NMNAT1: variants seen among roughly 807,000 people sequenced by gnomAD.
NMNAT1 encodes nicotinamide/nicotinic acid mononucleotide adenylyltransferase 1.
In NMNAT1, 11 loss-of-function variants were observed where a neutral mutation model predicts 16.7. That is an observed-to-expected ratio of 0.66 (90% CI 0.41 to 1.09). The LOEUF (loss-of-function observed/expected upper bound fraction) is 1.09, where lower values mean the gene tolerates loss of function less well. Ranked by LOEUF, NMNAT1 falls within the 50% of genes least tolerant of loss-of-function variation. NMNAT1 has a pLI of 0.00. For missense variants in NMNAT1, 280 were observed against 332.3 expected (o/e 0.84, Z 1.22); for synonymous variants, 110 against 119.8 (o/e 0.92, Z 0.53).
chr1:9,962,328 A>G (rs1356083643), intron 1 of NMNAT1, among the ~76,000 whole-genome samples: 1 of 151,536 alleles, frequency 6.6e-6, no homozygotes, highest in African/African-American at 2.4e-5. Flanking sequence ...TAAAAATACA[A>G]AAAATTAGCC....
chr1:9,975,432 C>T (rs1470498468), intron 2 of NMNAT1, among the ~76,000 whole-genome samples, 160 bp from the exon 3 acceptor site: 5 of 152,076 alleles, frequency 3.3e-5, no homozygotes, highest in Non-Finnish European at 7.4e-5. Flanking sequence ...ACCCAGGAGG[C>T]GGAGGTTGCA....
chr1:9,963,367 C>G (rs1641469376), intron 1 of NMNAT1, among the ~76,000 whole-genome samples: 1 of 151,962 alleles, frequency 6.6e-6, no homozygotes, highest in Non-Finnish European at 1.5e-5. Flanking sequence ...CACAGTGAGG[C>G]ATTGCATAGC....
At chr1:9,943,922 C>G (rs1181832240) in intron 1 of NMNAT1, among the ~76,000 whole-genome samples, 1 of 152,090 alleles carries the variant, frequency 6.6e-6, no homozygotes, top group African/African-American at 2.4e-5. Context: ...CACTCATGCT[C>G]CTTGAGAAGG....
chr1:9,950,835 T>A (rs1468731209), intron 1 of NMNAT1, among the ~76,000 whole-genome samples: 3 of 152,010 alleles, frequency 2.0e-5, no homozygotes, highest in Non-Finnish European at 2.9e-5. Flanking sequence ...ACAGCTATAA[T>A]CCCAGCACTT....
intron 3 of NMNAT1, among the ~76,000 whole-genome samples, 161 bp downstream of exon 3, chr1:9,975,936 G>C (rs1004338366): frequency 6.6e-6 from 1 of 152,182 alleles, no homozygotes; most frequent in African/African-American, 2.4e-5. Context: ...CAAGACTGTA[G>C]AGCACAGCAC....
intron 1 of NMNAT1, among the ~76,000 whole-genome samples, chr1:9,958,670 C>T (rs1324560488): frequency 6.6e-6 from 1 of 151,906 alleles, no homozygotes; most frequent in Non-Finnish European, 1.5e-5. Flanking sequence ...GAATTCCTGA[C>T]CTCGTGATCC....
At chr1:9,979,583 A>C (rs928572620) in intron 3 of NMNAT1, among the ~76,000 whole-genome samples, 26 of 151,996 alleles carry the variant, frequency 1.7e-4, no homozygotes, top group Non-Finnish European at 3.5e-4. Flanking sequence ...GGCAGATCAC[A>C]AGGTCAGGAG....
the NMNAT1 span, among the ~76,000 whole-genome samples, chr1:9,996,486 C>T: frequency 3.9e-5 from 6 of 152,246 alleles, no homozygotes; most frequent in African/African-American, 1.4e-4. Flanking sequence ...TGCTCTGAGG[C>T]TAAATGCTGC....
intron 1 of NMNAT1, among the ~76,000 whole-genome samples, chr1:9,947,024 A>G (rs1472841534): frequency 1.3e-5 from 2 of 152,134 alleles, no homozygotes; most frequent in Non-Finnish European, 2.9e-5. Context: ...GATACATCCA[A>G]ATCTCTAGTC....
chr1:9,963,705 C>T (rs1641478816), intron 1 of NMNAT1, among the ~76,000 whole-genome samples: 1 of 151,982 alleles, frequency 6.6e-6, no homozygotes, highest in Non-Finnish European at 1.5e-5. Context: ...CCGCATCTGG[C>T]CCCCATTATT....
Position 9,975,701 on chromosome 1 carries a change from G to T in NMNAT1, c.225G>T (p.Lys75Asn). 1 of 1,614,074 alleles carries T rather than the reference G, an allele frequency of 6.2e-7. No individual in the cohort carries two copies. Among genetic ancestry groups the T allele is most frequent in the African/African-American group, 1.3e-5 (1 of 75,028 alleles). ...HRVIMAELAT[K>N]NSKWVEVDTW... is the part of the protein sequence containing the mutation. ...TCATCATGGCAGAACTTGCTACCAAGAATTCTAAATGGGTGGAAGTTGATA... is the reference window on the plus strand; with the variant it reads ...TCATCATGGCAGAACTTGCTACCAATAATTCTAAATGGGTGGAAGTTGATA... The change falls in exon 3 of 5, where the codon AAG becomes AAT. Residue 75 changes from lysine (K) to asparagine (N), a missense_variant. By Grantham distance (94) the Lys-to-Asn change is moderately conservative. Coordinates refer to ENST00000377205, the MANE Select transcript of NMNAT1 (RefSeq NM_022787.4).
Position 9,982,837 on chromosome 1 carries a change from G to C in NMNAT1, c.*136G>C, listed in dbSNP as rs1440122844. 1 of 909,920 alleles carries C rather than the reference G, an allele frequency of 1.1e-6. No individual in the cohort carries two copies. The highest frequency in any genetic ancestry group is 1.6e-6 in the Non-Finnish European group (1 of 616,344). The allele number at this position is 909,920 out of a possible 1,614,324, so 56.4% of individuals were successfully genotyped here. On this transcript the variant is annotated 3_prime_UTR_variant, in exon 5 of 5. Transcript: ENST00000377205. ...GTTTAGTAAAAATCGTCTGGGCACA[G>C]TGGCTCACGCCTGTAATCCCAGCAC...
At chr1:9,977,036 A>G (rs1641831299) in intron 3 of NMNAT1, among the ~76,000 whole-genome samples, 1 of 150,872 alleles carries the variant, frequency 6.6e-6, no homozygotes, top group South Asian at 2.1e-4. Context: ...CCTCCCAAGT[A>G]GCTGGGATTA....
the NMNAT1 span, among the ~76,000 whole-genome samples, chr1:9,995,625 C>A: frequency 6.6e-6 from 1 of 151,296 alleles, no homozygotes; most frequent in Non-Finnish European, 1.5e-5. Context: ...ACCCAAGAGG[C>A]GGAGGTTGCA....
chr1:9,963,687 G>C (rs749242540), intron 1 of NMNAT1, among the ~76,000 whole-genome samples: 4 of 151,768 alleles, frequency 2.6e-5, no homozygotes, highest in African/African-American at 9.7e-5. Context: ...GATTACAGGC[G>C]TGAGCCACCG....
intron 1 of NMNAT1, chr1:9,955,858 G>T (rs1254330135): frequency 6.6e-6 from 1 of 152,080 alleles, no homozygotes; most frequent in Non-Finnish European, 1.5e-5. Context: ...TACTAACCAG[G>T]TTGTACAGGA....
At chr1:9,992,677 C>T in the NMNAT1 span, among the ~76,000 whole-genome samples, 2,117 of 151,926 alleles carry the variant, frequency 0.014, 33 homozygotes, top group African/African-American at 0.035. Context: ...TTTGGGAGGC[C>T]GAGGTGGGTG....
At chr1:9,972,494 CAA>C (rs34232396) in intron 2 of NMNAT1, 11 of 143,154 alleles carry the variant, frequency 7.7e-5, no homozygotes, top group South Asian at 2.1e-4. Context: ...GACACCATCT[CAA>C]AAAAAAAAAA....
downstream of NMNAT1, among the ~76,000 whole-genome samples, chr1:9,987,858 T>C (rs1482698083): frequency 6.6e-6 from 1 of 152,090 alleles, no homozygotes; most frequent in African/African-American, 2.4e-5. Flanking sequence ...AAAGTATCAA[T>C]GTCACCAAAG....
Sources: allele counts gnomAD v4.1 joint callset (sites outside exome capture counted in the v4.1 genomes callset), GRCh38; gene constraint gnomAD v4.1.1; transcripts MANE v1.5; gene names NCBI Gene and HGNC (gene_info 2026-07-23, HGNC 2026-07-21).